OR4N2: variants seen among roughly 807,000 people sequenced by gnomAD.
OR4N2 encodes the protein olfactory receptor family 4 subfamily N member 2.
For synonymous variants in OR4N2, 141 were observed against 140.4 expected (o/e 1.00, Z -0.03); for missense variants, 307 against 377.6 (o/e 0.81, Z 1.55).
At chr14:19,807,791 C>A (rs947370595) in intron 1 of OR4N2, among the ~76,000 whole-genome samples, 1 of 152,160 alleles carries the variant, frequency 6.6e-6, no homozygotes, top group African/African-American at 2.4e-5. Context: ...AAAAACAAAT[C>A]ATCAGGCCAA....
At chr14:19,814,600 C>T (rs1879379960) in intron 1 of OR4N2, among the ~76,000 whole-genome samples, 2 of 152,214 alleles carry the variant, frequency 1.3e-5, no homozygotes, top group Admixed American at 1.3e-4. Context: ...TAAGCAAAGG[C>T]AGGATCAGCA....
At chr14:19,823,246 G>T (rs764843758) in intron 1 of OR4N2, among the ~76,000 whole-genome samples, 1 of 151,978 alleles carries the variant, frequency 6.6e-6, no homozygotes, top group Non-Finnish European at 1.5e-5. Flanking sequence ...CCCTATTTTT[G>T]AAATTTGTAT....
chr14:19,817,733 T>G (rs1879463802), intron 1 of OR4N2, among the ~76,000 whole-genome samples: 1 of 152,266 alleles, frequency 6.6e-6, no homozygotes, highest in Admixed American at 6.5e-5. Flanking sequence ...CTGCTAGCTT[T>G]TGAATTTGTC....
intron 1 of OR4N2, among the ~76,000 whole-genome samples, chr14:19,821,148 GCA>G (rs1879555355): frequency 6.6e-6 from 1 of 152,240 alleles, no homozygotes; most frequent in Non-Finnish European, 1.5e-5. Context: ...TTTCCTCTCG[GCA>G]CAGTCTCTCA....
intron 1 of OR4N2, among the ~76,000 whole-genome samples, chr14:19,809,622 C>T (rs111382277): frequency 4.6e-5 from 7 of 152,186 alleles, no homozygotes; most frequent in Admixed American, 3.9e-4. Flanking sequence ...CTACAGTAAC[C>T]AAAACAGGAT....
chr14:19,824,706 T>C (rs539998866), intron 1 of OR4N2, among the ~76,000 whole-genome samples: 70 of 152,372 alleles, frequency 4.6e-4, no homozygotes, highest in Admixed American at 3.1e-3. Context: ...AACTTTATGA[T>C]GATGCATTTC....
At chr14:19,811,594 C>T (rs1167371573) in intron 1 of OR4N2, among the ~76,000 whole-genome samples, 2 of 152,236 alleles carry the variant, frequency 1.3e-5, no homozygotes, top group Non-Finnish European at 2.9e-5. Context: ...CATGACAATA[C>T]ATAAAAAGTT....
chr14:19,812,591 T>C (rs1001413606), intron 1 of OR4N2, among the ~76,000 whole-genome samples: 1 of 152,200 alleles, frequency 6.6e-6, no homozygotes, highest in African/African-American at 2.4e-5. Context: ...GTCTCCTGAC[T>C]TCGTGATCCG....
rs144347510 is a variant in OR4N2, at chr14:19,823,901, G to T, written c.-9-3539G>T. Among the ~76,000 whole-genome samples the T allele has an allele frequency of 6.0e-3, 920 of 152,214 alleles. 6 individuals carry two copies. Among genetic ancestry groups the T allele is most frequent in the African/African-American group, 0.021 (885 of 41,448 alleles). On this transcript the variant is annotated intron_variant, in intron 1 of 1. Transcript: ENST00000557677. ...AGCACATAGGATCTCTAAACACTTG[G>T]CTCCAGGAGCTCATCTGACCACACT...
At chr14:19,819,286 A>G (rs1354197975) in intron 1 of OR4N2, among the ~76,000 whole-genome samples, 6 of 152,222 alleles carry the variant, frequency 3.9e-5, no homozygotes, top group East Asian at 3.8e-4. Context: ...GTGTTTTCCA[A>G]CTTGGTTCTA....
chr14:19,805,069 T>C (rs1879130209), intron 1 of OR4N2, among the ~76,000 whole-genome samples: 1 of 152,230 alleles, frequency 6.6e-6, no homozygotes, highest in Non-Finnish European at 1.5e-5. Context: ...CATCCCTTTA[T>C]TTTGAGCCCC....
chr14:19,803,844 G>T lies in OR4N2; in HGVS notation c.-10G>T, dbSNP rs1301717048. 1 of 152,196 alleles carries T rather than the reference G, an allele frequency of 6.6e-6. No homozygotes were observed. Among genetic ancestry groups the T allele is most frequent in the African/African-American group, 2.4e-5 (1 of 41,408 alleles). The allele number at this position is 152,196 out of a possible 1,614,324, so 9.4% of individuals were successfully genotyped here. A position where few individuals can be genotyped will look rare whatever the true frequency, so the allele number is the denominator to read the frequency against. On this transcript the variant is annotated splice_region_variant and 5_prime_UTR_variant, in exon 1 of 2. Transcript: ENST00000557677. Reference sequence around the variant, plus strand: ...ATTCCTGTGATCCTGGGCTTTTTCTGGTTGGTAGGCTTTTTATTACTAACA... The same window carrying T: ...ATTCCTGTGATCCTGGGCTTTTTCTTGTTGGTAGGCTTTTTATTACTAACA...
rs1879807225 is a variant in OR4N2, at chr14:19,829,294, T to C, written c.*922T>C. On this transcript the variant is annotated 3_prime_UTR_variant, in exon 2 of 2. Transcript: ENST00000557677. ...TGACTTTTAGCTGTATGTTTGACCT[T>C]ATTGCCAATTGATTTCACTCTAAGT... 6.6e-6 allele frequency: 1 copy of C among 152,278 alleles called. No individual in the cohort carries two copies. 9.4% of individuals were successfully genotyped at this position (152,278 alleles called of 1,614,324 possible). A position where few individuals can be genotyped will look rare whatever the true frequency, so the allele number is the denominator to read the frequency against.
chr14:19,827,279 G>A (rs1024622155), intron 1 of OR4N2, among the ~76,000 whole-genome samples, 161 bp from the exon 2 acceptor site: 7 of 152,244 alleles, frequency 4.6e-5, no homozygotes, highest in Non-Finnish European at 7.3e-5. Flanking sequence ...TTTAAATTTG[G>A]AGAAATTAAG....
chr14:19,820,536 C>T (rs1182513021), intron 1 of OR4N2, among the ~76,000 whole-genome samples: 1 of 152,252 alleles, frequency 6.6e-6, no homozygotes. Flanking sequence ...CACAGCCGCC[C>T]TTCCCCCCAG....
chr14:19,819,953 G>T (rs553646210), intron 1 of OR4N2, among the ~76,000 whole-genome samples: 1 of 152,250 alleles, frequency 6.6e-6, no homozygotes, highest in Admixed American at 6.5e-5. Flanking sequence ...CTCTGCTGCA[G>T]GTCTGCTGGA....
intron 1 of OR4N2, chr14:19,822,254 A>G (rs2138477783): frequency 6.6e-6 from 1 of 152,134 alleles, no homozygotes; most frequent in Non-Finnish European, 1.5e-5. Context: ...TTTTCCATAG[A>G]CTCAAGAGAA....
chr14:19,814,682 A>G (rs1879381973), intron 1 of OR4N2, among the ~76,000 whole-genome samples: 1 of 152,218 alleles, frequency 6.6e-6, no homozygotes, highest in Non-Finnish European at 1.5e-5. Context: ...GTCTTTTTTA[A>G]AAATTATACT....
In OR4N2 at chr14:19,828,613, G is replaced by T. The variant is rs192539577; in HGVS notation, c.*241G>T. The T allele has an allele frequency of 2.0e-4, 85 of 423,022 alleles. No homozygotes were observed. Among genetic ancestry groups the T allele is most frequent in the African/African-American group, 1.6e-3 (80 of 49,390 alleles). 26.2% of individuals were successfully genotyped at this position (423,022 alleles called of 1,614,324 possible). A position where few individuals can be genotyped will look rare whatever the true frequency, so the allele number is the denominator to read the frequency against. ...CAGCATAGTTTCAGGAAGAGATACT[G>T]CTCTGTAAAAACTAAAAAGAAAAGT... On this transcript the variant is annotated 3_prime_UTR_variant, in exon 2 of 2. Coordinates refer to ENST00000557677, the MANE Select transcript of OR4N2 (RefSeq NM_001004723.3).
Sources: allele counts gnomAD v4.1 joint callset (sites outside exome capture counted in the v4.1 genomes callset), GRCh38; gene constraint gnomAD v4.1.1; transcripts MANE v1.5; gene names NCBI Gene and HGNC (gene_info 2026-07-23, HGNC 2026-07-21).